CARMIL1: variants seen among roughly 807,000 people sequenced by gnomAD.
The protein encoded by CARMIL1 is F-actin-uncapping protein LRRC16A.
A neutral mutation model predicts 177.1 loss-of-function variants in CARMIL1; 90 were observed. The observed-to-expected ratio is 0.51, with a 90% CI of 0.43 to 0.61. The LOEUF (loss-of-function observed/expected upper bound fraction) is 0.61, where lower values mean the gene tolerates loss of function less well. Among genes scored for constraint, CARMIL1 ranks in the 20% least tolerant of loss-of-function variants. The probability of loss-of-function intolerance (pLI) is 0.00; values close to 1 mark genes in which losing one functional copy is unlikely to be tolerated. For synonymous variants in CARMIL1, 577 were observed against 606.2 expected, an observed-to-expected ratio of 0.95 and a Z score of 0.71; for missense variants, 1,380 against 1,667.0, an observed-to-expected ratio of 0.83 and a Z score of 3.00.
At chr6:25,416,679 G>A (rs1795383630) in intron 2 of CARMIL1, among the ~76,000 whole-genome samples, 1 of 152,182 alleles carries the variant, frequency 6.6e-6, no homozygotes, top group Admixed American at 6.5e-5. Flanking sequence ...TTTAATGTAA[G>A]GTGAGAGTGG....
At chr6:25,317,816 T>TA (rs902100746) in intron 2 of CARMIL1, among the ~76,000 whole-genome samples, 1 of 152,054 alleles carries the variant, frequency 6.6e-6, no homozygotes, top group Non-Finnish European at 1.5e-5. Context: ...CCGTCCGCAT[T>TA]ATCCTCCCAA....
chr6:25,466,390 A>C (rs1388715909), intron 9 of CARMIL1, among the ~76,000 whole-genome samples: 1 of 152,182 alleles, frequency 6.6e-6, no homozygotes, highest in African/African-American at 2.4e-5. Flanking sequence ...TTGATTTTCT[A>C]GATGGGGTTT....
chr6:25,317,143 GCTTT>G (rs1019110666), intron 2 of CARMIL1, among the ~76,000 whole-genome samples: 4 of 151,990 alleles, frequency 2.6e-5, no homozygotes, highest in African/African-American at 9.7e-5. Flanking sequence ...TTTCCTAAAT[GCTTT>G]CTTTCTTTTT....
At chr6:25,290,322 T>G (rs998157755) in intron 2 of CARMIL1, among the ~76,000 whole-genome samples, 1 of 151,440 alleles carries the variant, frequency 6.6e-6, no homozygotes, top group Admixed American at 6.6e-5. Flanking sequence ...CTTGAACTCC[T>G]GGGTTCAAGC....
At chr6:25,335,154 T>A (rs924242590) in intron 2 of CARMIL1, among the ~76,000 whole-genome samples, 1 of 152,220 alleles carries the variant, frequency 6.6e-6, no homozygotes. Flanking sequence ...GAAGTCTCCT[T>A]GGGAATCATC....
At chr6:25,546,748 C>T (rs1809532105) in intron 26 of CARMIL1, among the ~76,000 whole-genome samples, 3 of 151,480 alleles carry the variant, frequency 2.0e-5, no homozygotes, top group African/African-American at 7.3e-5. Flanking sequence ...AAATACTCAC[C>T]ATTTAAAATA....
At chr6:25,612,335 T>G (rs1479771197) in intron 36 of CARMIL1, 7 of 152,264 alleles carry the variant, frequency 4.6e-5, no homozygotes, top group Admixed American at 3.9e-4. Flanking sequence ...TTATTCATGC[T>G]GATTACTTCA....
rs370158179 is a variant in CARMIL1, at chr6:25,478,057, C to T, written c.875-4200C>T. Among the ~76,000 whole-genome samples, 57 of 152,146 alleles carry T rather than the reference C, an allele frequency of 3.7e-4. No homozygotes were observed. The South Asian group carries it at 0.01, about 28-fold the overall frequency. On this transcript the variant is annotated intron_variant, in intron 11 of 36. Transcript: ENST00000329474. ...TTTTTTTTGTAGTGATGTGGTCTCACTCTGTTGCCCAGGCTTCTCCACTCA... is the reference window on the plus strand; with the variant it reads ...TTTTTTTTGTAGTGATGTGGTCTCATTCTGTTGCCCAGGCTTCTCCACTCA...
In CARMIL1 at chr6:25,465,880, A is replaced by G; in HGVS notation, c.622A>G (p.Ile208Val). The part of the protein sequence containing the change: ...DFSHLDHRDL[I>V]PIIAALEYNQ... ...TGTTGTTTCTGCTTCCAGGGACCTA[A>G]TACCTATCATTGCTGCTCTGGAATA... is the stretch of plus-strand genomic sequence containing the variant. Residue 208 changes from isoleucine (I) to valine (V), a missense_variant, in exon 9 of 37, where the codon ATA becomes GTA. Transcript: ENST00000329474. 1 of 1,610,384 alleles carries G rather than the reference A, an allele frequency of 6.2e-7. No homozygotes were observed. Among genetic ancestry groups the G allele is most frequent in the Non-Finnish European group, 8.5e-7 (1 of 1,176,726 alleles).
intron 11 of CARMIL1, among the ~76,000 whole-genome samples, chr6:25,477,344 G>A (rs903863214): frequency 6.6e-6 from 1 of 151,972 alleles, no homozygotes; most frequent in Admixed American, 6.6e-5. Flanking sequence ...TTGCTGAGGG[G>A]GTTGTGGTAA....
intron 2 of CARMIL1, among the ~76,000 whole-genome samples, chr6:25,321,071 C>T (rs1434822605): frequency 1.3e-5 from 2 of 150,710 alleles, no homozygotes; most frequent in African/African-American, 4.9e-5. Flanking sequence ...CCCCACCCCA[C>T]ACATCCAGAA....
intron 23 of CARMIL1, among the ~76,000 whole-genome samples, chr6:25,521,479 A>G (rs1806546611): frequency 6.6e-6 from 1 of 152,206 alleles, no homozygotes; most frequent in Non-Finnish European, 1.5e-5. Context: ...ACTTATCAAT[A>G]AAGAATGTGG....
At chr6:25,359,484 A>C (rs1223165097) in intron 2 of CARMIL1, among the ~76,000 whole-genome samples, 1 of 152,248 alleles carries the variant, frequency 6.6e-6, no homozygotes, top group African/African-American at 2.4e-5. Context: ...AAAGATAAAT[A>C]AGAAGACACT....
chr6:25,459,220 T>TTCTTTCTTTCTTTCTG, intron 8 of CARMIL1, among the ~76,000 whole-genome samples: 1 of 70,646 alleles, frequency 1.4e-5, no homozygotes, highest in South Asian at 6.4e-4. Flanking sequence ...TTTTCTTTCT[T>TTCTTTCTTTCTTTCTG]TCTTTCTTTC....
chr6:25,547,590 T>G (rs995513561), intron 26 of CARMIL1, among the ~76,000 whole-genome samples: 1 of 152,184 alleles, frequency 6.6e-6, no homozygotes, highest in Non-Finnish European at 1.5e-5. Flanking sequence ...TTTTAATATG[T>G]TCCTTAGTGA....
At chr6:25,588,364 T>C (rs1813972901) in intron 31 of CARMIL1, among the ~76,000 whole-genome samples, 1 of 151,952 alleles carries the variant, frequency 6.6e-6, no homozygotes, top group African/African-American at 2.4e-5. Flanking sequence ...CAGGGGACAC[T>C]ACAGTTGTCA....
At chr6:25,355,976 C>G (rs570511683) in intron 2 of CARMIL1, among the ~76,000 whole-genome samples, 19 of 152,138 alleles carry the variant, frequency 1.2e-4, no homozygotes, top group Non-Finnish European at 2.8e-4. Context: ...ACTTACACTC[C>G]TCCTGCAAAA....
chr6:25,426,981 A>G (rs1796330736), intron 4 of CARMIL1, among the ~76,000 whole-genome samples: 1 of 152,174 alleles, frequency 6.6e-6, no homozygotes. Flanking sequence ...GCAGTAAACT[A>G]AAGTGTACAA....
chr6:25,340,798 T>G (rs914823567), intron 2 of CARMIL1, among the ~76,000 whole-genome samples: 3 of 132,462 alleles, frequency 2.3e-5, no homozygotes, highest in African/African-American at 6.0e-5. Context: ...TTTTTTTTTT[T>G]TTTTTTAAGT....
Sources: gnomAD v4.1 joint callset for allele counts (sites outside exome capture counted in the v4.1 genomes callset) on GRCh38, gnomAD v4.1.1 for gene constraint, MANE v1.5 for transcripts, NCBI Gene and HGNC (gene_info 2026-07-23, HGNC 2026-07-21) for gene names.